MYO7B: variants seen among roughly 807,000 people sequenced by gnomAD.
MYO7B encodes myosin VIIB, also known as unconventional myosin-VIIb.
In MYO7B, 212 loss-of-function variants were observed where a neutral mutation model predicts 259.7. That is an observed-to-expected ratio of 0.82 (90% CI 0.73 to 0.91). The LOEUF (loss-of-function observed/expected upper bound fraction) is 0.91, where lower values mean the gene tolerates loss of function less well. Ranked by LOEUF, MYO7B falls within the 40% of genes least tolerant of loss-of-function variation. The pLI is 0.00. For missense variants in MYO7B, 2,732 were observed against 2,813.5 expected (o/e 0.97, Z 0.66); for synonymous variants, 1,197 against 1,166.4 (o/e 1.03, Z -0.54).
At position 127,613,202 on chromosome 2, in the gene MYO7B, A is replaced by G. The variant is rs1022067031; in HGVS notation, c.3398+599A>G. Among the ~76,000 whole-genome samples, 1 of 152,174 alleles carries G rather than the reference A, an allele frequency of 6.6e-6. No individual in the cohort carries two copies. Among genetic ancestry groups the G allele is most frequent in the Non-Finnish European group, 1.5e-5 (1 of 68,034 alleles). Reference sequence around the variant, plus strand: ...TCTCTCTCCTTTCCTTCAAAATCTAATTAAGCCTCTGTAAGATTCTTTTAT... The same window carrying G: ...TCTCTCTCCTTTCCTTCAAAATCTAGTTAAGCCTCTGTAAGATTCTTTTAT... On this transcript the variant is annotated intron_variant, in intron 26 of 47. Coordinates refer to ENST00000409816, the MANE Select transcript of MYO7B (RefSeq NM_001393586.1). This position sits in a 1 kb window ranked among gnomAD's most constrained non-coding sequence, Gnocchi z 4.3.
At chr2:127,562,028 GGA>G (rs34222904) in intron 2 of MYO7B, among the ~76,000 whole-genome samples, 2 of 151,414 alleles carry the variant, frequency 1.3e-5, no homozygotes, top group Non-Finnish European at 2.9e-5. Flanking sequence ...AGAGAGAAAG[GGA>G]GAGAGAGAGA....
chr2:127,610,756 T>C (rs1201768456), intron 24 of MYO7B, among the ~76,000 whole-genome samples: 1 of 152,048 alleles, frequency 6.6e-6, no homozygotes, highest in African/African-American at 2.4e-5. Context: ...ACCTGTGGGG[T>C]CCTGTGTGCA....
Position 127,584,153 on chromosome 2 carries a change from G to A in MYO7B, c.1375G>A (p.Glu459Lys), listed in dbSNP as rs773278690. Residue 459 changes from glutamate (E) to lysine (K), a missense_variant, in exon 13 of 48, where the codon GAG becomes AAG. Physicochemically the swap from Glu to Lys is moderately conservative, Grantham distance 56 (BLOSUM62 1). This residue lies in a region of MYO7B where 1,906 missense variants were observed against 2,026.4 expected (regional missense o/e 0.94). Coordinates refer to ENST00000409816, the MANE Select transcript of MYO7B (RefSeq NM_001393586.1). This position sits in a 1 kb window ranked among gnomAD's most constrained non-coding sequence, Gnocchi z 5.8. The stretch of plus-strand genomic sequence containing the variant: ...GCAGCTCTGCATCAACTTCGCCAAC[G>A]AGCACCTGCAGCAGTTCTTTGTGCA... ...FEQLCINFAN[E>K]HLQQFFVQHV... is the part of the protein sequence containing the mutation. The A allele has an allele frequency of 1.6e-5, 26 of 1,613,630 alleles. No homozygotes were observed. The highest frequency in any genetic ancestry group is 5.0e-5 in the Admixed American group (3 of 59,968).
intron 2 of MYO7B, among the ~76,000 whole-genome samples, chr2:127,560,781 C>T (rs1436079549): frequency 6.6e-6 from 1 of 152,100 alleles, no homozygotes; most frequent in African/African-American, 2.4e-5. Flanking sequence ...AAGAAAATGC[C>T]CCGAATGTTC....
In MYO7B at chr2:127,636,741, C is replaced by A; in HGVS notation, c.6208-53C>A. On this transcript the variant is annotated intron_variant, in intron 46 of 47. Coordinates refer to ENST00000409816, the MANE Select transcript of MYO7B (RefSeq NM_001393586.1). The surrounding 1 kb of genome is among the most constrained non-coding windows in gnomAD (Gnocchi z 4.5). ...TGCCTCTCTCCTGTCCCCTAACACA[C>A]ACAGAGCCCGTGCTCTGGAGGCGTC... is the stretch of plus-strand genomic sequence containing the variant. 1 of 1,612,238 alleles carries A rather than the reference C, an allele frequency of 6.2e-7. No individual in the cohort carries two copies. The highest frequency in any genetic ancestry group is 1.1e-5 in the South Asian group (1 of 90,914).
intron 26 of MYO7B, among the ~76,000 whole-genome samples, chr2:127,618,661 C>T (rs951037105): frequency 4.6e-5 from 7 of 152,188 alleles, no homozygotes; most frequent in East Asian, 1.9e-4. Flanking sequence ...CTCACTCTTT[C>T]GGCCTGCATC....
Position 127,636,874 on chromosome 2 carries a change from C to T in MYO7B, c.6288C>T (p.Ser2096=). 2 of 1,613,560 alleles carry T rather than the reference C, an allele frequency of 1.2e-6. No individual in the cohort carries two copies. Among genetic ancestry groups the T allele is most frequent in the Non-Finnish European group, 1.7e-6 (2 of 1,179,864 alleles). The change falls in exon 47 of 48, where the codon AGC becomes AGT. Residue 2096 remains serine, a synonymous_variant. Coordinates refer to ENST00000409816, the MANE Select transcript of MYO7B (RefSeq NM_001393586.1). This position sits in a 1 kb window ranked among gnomAD's most constrained non-coding sequence, Gnocchi z 4.5. ...CCTACTTCCACATGGCGCTGGGGAG[C>T]CTGGGCCGTGGCAGCCGCCTGCTGT... The part of the protein sequence containing the change: ...GSTYFHMALG[S]LGRGSRLLCE...
chr2:127,605,522 G>A (rs946014114), intron 19 of MYO7B, among the ~76,000 whole-genome samples: 3 of 152,186 alleles, frequency 2.0e-5, no homozygotes, highest in Non-Finnish European at 4.4e-5. Flanking sequence ...CTCAAACCTG[G>A]GAGGTGGAGG....
Position 127,635,898 on chromosome 2 carries a change from G to A in MYO7B, c.5997G>A (p.Glu1999=), listed in dbSNP as rs1292981983. Residue 1999 remains glutamate, a synonymous_variant, in exon 44 of 48, where the codon GAG becomes GAA. Coordinates refer to ENST00000409816, the MANE Select transcript of MYO7B (RefSeq NM_001393586.1). The part of the protein sequence containing the change: ...ENLTRLMSSE[E]WKKSILLAYD... ...TCACACGCCTGATGTCCTCGGAGGA[G>A]TGGAAAAAGGTCCCTGGTCGGGCTG... 2 of 1,569,646 alleles carry A rather than the reference G, an allele frequency of 1.3e-6. No individual in the cohort carries two copies. Among genetic ancestry groups the A allele is most frequent in the Non-Finnish European group, 8.6e-7 (1 of 1,157,818 alleles).
At chr2:127,617,488 T>TA in intron 26 of MYO7B, among the ~76,000 whole-genome samples, 1 of 33,008 alleles carries the variant, frequency 3.0e-5, no homozygotes, top group African/African-American at 3.5e-4. Context: ...TGTAACGGGG[T>TA]TTTTTTTTTT....
In MYO7B at chr2:127,584,467, C is replaced by G. The variant is rs560710042; in HGVS notation, c.1554+135C>G. ...CCTCTGCCAGGAATAAGCAGAAGAG[C>G]CTCAGTCTAACCAGACAGACCCTCC... On this transcript the variant is annotated intron_variant, in intron 13 of 47. Transcript: ENST00000409816. The surrounding 1 kb of genome is among the most constrained non-coding windows in gnomAD (Gnocchi z 5.8). 24 of 1,000,076 alleles carry G rather than the reference C, an allele frequency of 2.4e-5. No individual in the cohort carries two copies. Among genetic ancestry groups the G allele is most frequent in the Non-Finnish European group, 3.5e-5 (24 of 686,442 alleles). The allele number at this position is 1,000,076 out of a possible 1,614,324, so 62.0% of individuals were successfully genotyped here.
chr2:127,571,041 TAA>T (rs1192909825), intron 6 of MYO7B, among the ~76,000 whole-genome samples: 1 of 152,236 alleles, frequency 6.6e-6, no homozygotes, highest in East Asian at 1.9e-4. Flanking sequence ...AAAACCTCTA[TAA>T]ATGTTCACAT....
At chr2:127,637,046 C>G (rs1681870427) in intron 47 of MYO7B, 133 bp downstream of exon 47, 1 of 1,441,812 alleles carries the variant, frequency 6.9e-7, no homozygotes, top group Non-Finnish European at 9.4e-7. Flanking sequence ...GCCAGCAGAT[C>G]TGGAGAGGGC....
chr2:127,563,637 C>G (rs1384397146), intron 2 of MYO7B, among the ~76,000 whole-genome samples: 6 of 152,316 alleles, frequency 3.9e-5, no homozygotes, highest in Non-Finnish European at 8.8e-5. Context: ...CCAGGATGGG[C>G]TCCTGCCTTG....
chr2:127,566,795 G>T lies in MYO7B; in HGVS notation c.438G>T (p.Lys146Asn). 6.2e-7 allele frequency: 1 copy of T among 1,611,564 alleles called. No individual in the cohort carries two copies. Residue 146 changes from lysine to asparagine, a missense_variant, in exon 5 of 48, where the codon AAG becomes AAT. Physicochemically the swap from Lys to Asn is moderately conservative, Grantham distance 94. Coordinates refer to ENST00000409816, the MANE Select transcript of MYO7B (RefSeq NM_001393586.1). ...AIANNCYFSMKRNKRDQCCII... is the reference protein window; with the variant it reads ...AIANNCYFSMNRNKRDQCCII... ...CCAACAACTGCTACTTCAGCATGAAGAGGAACAAGAGGGACCAGTGCTGCA... is the reference window on the plus strand; with the variant it reads ...CCAACAACTGCTACTTCAGCATGAATAGGAACAAGAGGGACCAGTGCTGCA...
chr2:127,549,700 A>G (rs1377035484), intron 1 of MYO7B, among the ~76,000 whole-genome samples: 4 of 152,150 alleles, frequency 2.6e-5, no homozygotes, highest in African/African-American at 9.7e-5. Flanking sequence ...GGACATGTCC[A>G]GGGAGAGGGG....
In MYO7B at chr2:127,559,267, G is replaced by T. The variant is rs1199258045; in HGVS notation, c.-23-433G>T. On this transcript the variant is annotated intron_variant, in intron 1 of 47. Transcript: ENST00000409816. The surrounding 1 kb of genome is among the most constrained non-coding windows in gnomAD (Gnocchi z 4.1). ...AACTGAGTGGCATTTCCTGCATTGA[G>T]TCCCATGTCTAAAGTGAGGGAACAC... Among the ~76,000 whole-genome samples the T allele has an allele frequency of 6.6e-6, 1 of 152,216 alleles. No individual in the cohort carries two copies. The highest frequency in any genetic ancestry group is 1.9e-4 in the East Asian group (1 of 5,206).
intron 10 of MYO7B, among the ~76,000 whole-genome samples, 171 bp downstream of exon 10, chr2:127,580,993 A>C (rs1679077644): frequency 6.6e-6 from 1 of 152,194 alleles, no homozygotes; most frequent in Non-Finnish European, 1.5e-5. Context: ...GGGTGGGCGC[A>C]GAGTGGGGCA....
At chr2:127,608,992 G>A (rs886197369) in intron 22 of MYO7B, 114 bp downstream of exon 22, 11 of 1,347,436 alleles carry the variant, frequency 8.2e-6, no homozygotes, top group African/African-American at 2.9e-5. Context: ...GTGGCCAAGT[G>A]TGTGCTGCAG....
Sources: allele counts gnomAD v4.1 joint callset (sites outside exome capture counted in the v4.1 genomes callset), GRCh38; gene constraint gnomAD v4.1.1; regional missense constraint gnomAD v4.1.1; non-coding constraint Gnocchi (gnomAD v3.1); transcripts MANE v1.5; gene names NCBI Gene and HGNC (gene_info 2026-07-23, HGNC 2026-07-21).